The following MTUS1 variants were observed in gnomAD, a reference collection of about 807,000 sequenced individuals.
MTUS1 encodes the protein microtubule-associated tumor suppressor 1.
A neutral mutation model predicts 120.8 loss-of-function variants in MTUS1; 109 were observed. That is an observed-to-expected ratio of 0.90 (90% confidence interval 0.77 to 1.06). MTUS1 has a LOEUF of 1.06. MTUS1 is among the 50% of genes least tolerant of loss of function. The pLI is 0.00. For synonymous variants in MTUS1, 737 were observed against 550.5 expected, an observed-to-expected ratio of 1.34 and a Z score of -4.74; for missense variants, 2,210 against 1,486.3, an observed-to-expected ratio of 1.49 and a Z score of -8.01.
chr8:17,717,915 G>A (rs1822648948), intron 4 of MTUS1, among the ~76,000 whole-genome samples: 1 of 152,090 alleles, frequency 6.6e-6, no homozygotes, highest in Admixed American at 6.5e-5. Flanking sequence ...GTCTGCGTTT[G>A]ACTCAGGTAC....
chr8:17,799,476 T>C (rs949970248), intron 1 of MTUS1, among the ~76,000 whole-genome samples: 2 of 152,236 alleles, frequency 1.3e-5, no homozygotes, highest in East Asian at 1.9e-4. Flanking sequence ...TTTGCTGAAA[T>C]TGCTTAACTC....
intron 1 of MTUS1, among the ~76,000 whole-genome samples, chr8:17,775,463 G>A (rs980712363): frequency 2.0e-5 from 3 of 152,080 alleles, no homozygotes; most frequent in East Asian, 3.9e-4. Context: ...GGGTCTACAC[G>A]ACAGCATGCA....
At position 17,732,070 on chromosome 8, in the gene MTUS1, C is replaced by T. The variant is rs117747894; in HGVS notation, c.2288-8237G>A. Among the ~76,000 whole-genome samples, 792 of 152,276 alleles carry T rather than the reference C, an allele frequency of 5.2e-3. 4 individuals carry two copies. The highest frequency in any genetic ancestry group is 0.037 in the Middle Eastern group (11 of 294). On this transcript the variant is annotated intron_variant, in intron 3 of 14. Transcript: ENST00000693296. ...GGAGGAGGTCCCTGCCCTGAGATGC[C>T]GTCCTTTGCTTCCAGCCTTTGAATG...
chr8:17,652,517 A>AC (rs1451626689), intron 12 of MTUS1, among the ~76,000 whole-genome samples: 23 of 152,052 alleles, frequency 1.5e-4, no homozygotes, highest in African/African-American at 5.3e-4. Context: ...AGTGACTGCT[A>AC]ATGGGTCCAG....
intron 8 of MTUS1, among the ~76,000 whole-genome samples, chr8:17,660,700 T>C (rs1382237597): frequency 1.3e-5 from 2 of 152,196 alleles, no homozygotes; most frequent in East Asian, 1.9e-4. Context: ...CCAGAACCTA[T>C]TTGATTTTTT....
Position 17,743,686 on chromosome 8 carries a change from A to C in MTUS1, c.2205T>G (p.Cys735Trp). 6.2e-7 allele frequency: 1 copy of C among 1,614,146 alleles called. No individual in the cohort carries two copies. The highest frequency in any genetic ancestry group is 8.5e-7 in the Non-Finnish European group (1 of 1,180,020). Residue 735 changes from cysteine (C) to tryptophan (W), a missense_variant, in exon 3 of 15, where the codon TGT (cysteine) becomes TGG (tryptophan). Coordinates refer to ENST00000693296, the MANE Select transcript of MTUS1 (RefSeq NM_001363059.2). ...TTCTATTGTCACTGTTCCGCCTCAA[A>C]CAGGAAACAGGGGGCCCCACTTTGG... is the stretch of plus-strand genomic sequence containing the variant. ...PKAKVGPPVS[C>W]LRRNSDNRNP...
chr8:17,667,375 T>C (rs1377788857), intron 8 of MTUS1, among the ~76,000 whole-genome samples: 9 of 152,212 alleles, frequency 5.9e-5, no homozygotes, highest in Non-Finnish European at 1.2e-4. Flanking sequence ...CAAAAGTGAC[T>C]TACCTGTAAA....
At chr8:17,664,641 C>A (rs180845776) in intron 8 of MTUS1, among the ~76,000 whole-genome samples, 72 of 152,152 alleles carry the variant, frequency 4.7e-4, no homozygotes, top group South Asian at 1.2e-3. Flanking sequence ...TCGGGGTAAA[C>A]AGAACTGTCA....
intron 4 of MTUS1, among the ~76,000 whole-genome samples, chr8:17,720,820 G>A (rs900366847): frequency 1.3e-5 from 2 of 152,108 alleles, no homozygotes; most frequent in African/African-American, 4.8e-5. Context: ...CTATAAATGA[G>A]CACATTTGGT....
At chr8:17,720,736 A>G (rs2045772323) in intron 4 of MTUS1, among the ~76,000 whole-genome samples, 1 of 152,222 alleles carries the variant, frequency 6.6e-6, no homozygotes, top group Non-Finnish European at 1.5e-5. Flanking sequence ...ATTTATTTTT[A>G]CCCAGTTACT....
chr8:17,723,494 C>G (rs545497884), intron 4 of MTUS1, 178 bp downstream of exon 4: 1 of 684,812 alleles, frequency 1.5e-6, no homozygotes, highest in African/African-American at 1.8e-5. Context: ...ATAATTATTT[C>G]AAGAGTGTTT....
intron 8 of MTUS1, among the ~76,000 whole-genome samples, chr8:17,671,402 T>C (rs767541515): frequency 1.3e-5 from 2 of 152,232 alleles, no homozygotes; most frequent in Non-Finnish European, 2.9e-5. Flanking sequence ...ATGGACTTTA[T>C]ACCTGAAGGT....
intron 1 of MTUS1, among the ~76,000 whole-genome samples, chr8:17,797,373 A>G (rs2052328279): frequency 6.6e-6 from 1 of 152,190 alleles, no homozygotes; most frequent in Admixed American, 6.5e-5. Context: ...TGATCATGCT[A>G]CTGTATTCCA....
intron 8 of MTUS1, chr8:17,664,089 T>C (rs1810374674): frequency 6.6e-6 from 1 of 152,182 alleles, no homozygotes; most frequent in Admixed American, 6.5e-5. Context: ...AGGCTTAGGG[T>C]TCCATAACAG....
At chr8:17,783,401 C>T (rs11781440) in intron 1 of MTUS1, among the ~76,000 whole-genome samples, 96,626 of 152,136 alleles carry the variant, frequency 0.64, 33,994 homozygotes, top group Non-Finnish European at 0.8. Context: ...ATAAGCAGAA[C>T]AAAGTCTCAG....
chr8:17,728,415 A>G (rs544407595), intron 3 of MTUS1, among the ~76,000 whole-genome samples: 2 of 152,336 alleles, frequency 1.3e-5, no homozygotes, highest in African/African-American at 4.8e-5. Flanking sequence ...AAAACAGATC[A>G]TCTTAATAAA....
chr8:17,667,593 A>G (rs1489241166), intron 8 of MTUS1, among the ~76,000 whole-genome samples: 2 of 152,218 alleles, frequency 1.3e-5, no homozygotes, highest in African/African-American at 4.8e-5. Context: ...GATACATTTT[A>G]ACAATATTTC....
At chr8:17,697,413 G>A (rs760839534) in intron 6 of MTUS1, 10 of 1,611,602 alleles carry the variant, frequency 6.2e-6, no homozygotes, top group Non-Finnish European at 7.6e-6. Context: ...CACAGAAGAG[G>A]CAATTTCCAT....
chr8:17,685,688 A>C (rs1419394134), intron 6 of MTUS1, among the ~76,000 whole-genome samples: 1 of 105,838 alleles, frequency 9.4e-6, no homozygotes, highest in African/African-American at 2.8e-5. Flanking sequence ...AACTAAGTTA[A>C]AAACAGGGAA....
Sources: allele counts gnomAD v4.1 joint callset (sites outside exome capture counted in the v4.1 genomes callset), GRCh38; gene constraint gnomAD v4.1.1; transcripts MANE v1.5; gene names NCBI Gene and HGNC (gene_info 2026-07-23, HGNC 2026-07-21).